SLCO1B1: variants seen among roughly 807,000 people sequenced by gnomAD.
SLCO1B1 encodes the protein solute carrier organic anion transporter family member 1B1, also known as OATP-2.
A neutral mutation model predicts 70.1 loss-of-function variants in SLCO1B1; 81 were observed. The observed-to-expected ratio is 1.16, with a 90% CI of 0.97 to 1.39. The LOEUF is 1.39. Among genes scored for constraint, SLCO1B1 ranks in the 40% most tolerant of loss-of-function variants. The pLI, the probability that SLCO1B1 is intolerant of heterozygous loss-of-function variation, is 0.00. For missense variants in SLCO1B1, 895 were observed against 799.6 expected, an observed-to-expected ratio of 1.12 and a Z score of -1.44; for synonymous variants, 283 against 271.5, an observed-to-expected ratio of 1.04 and a Z score of -0.42.
intron 2 of SLCO1B1, among the ~76,000 whole-genome samples, chr12:21,162,964 A>C (rs1045978289): frequency 6.6e-5 from 10 of 152,136 alleles, no homozygotes; most frequent in Non-Finnish European, 1.5e-4. Flanking sequence ...TATCTGGTGT[A>C]ATCTTTCTCT....
At chr12:21,209,165 G>A (rs1376584561) in intron 11 of SLCO1B1, among the ~76,000 whole-genome samples, 7 of 151,596 alleles carry the variant, frequency 4.6e-5, no homozygotes, top group African/African-American at 7.3e-5. Context: ...CCACTAACTC[G>A]TCATCTAGCA....
chr12:21,216,626 C>T (rs71446760), intron 11 of SLCO1B1, among the ~76,000 whole-genome samples: 18,683 of 152,102 alleles, frequency 0.12, 1,573 homozygotes, highest in Non-Finnish European at 0.18. Flanking sequence ...GCATCTCTAC[C>T]TGTCTCTATT....
chr12:21,175,474 C>T (rs1418824503), intron 4 of SLCO1B1, among the ~76,000 whole-genome samples: 3 of 152,022 alleles, frequency 2.0e-5, no homozygotes, highest in Non-Finnish European at 4.4e-5. Context: ...ACCAAGTTCC[C>T]GGTTAAAAAT....
chr12:21,174,492 C>T (rs1239543566), intron 3 of SLCO1B1, 85 bp from the exon 4 acceptor site: 2 of 1,332,686 alleles, frequency 1.5e-6, no homozygotes, highest in South Asian at 1.2e-5. Context: ...ATGTCTTGGA[C>T]TCTATTTGCA....
At chr12:21,133,494 C>G (rs887669267) in intron 1 of SLCO1B1, among the ~76,000 whole-genome samples, 2 of 152,046 alleles carry the variant, frequency 1.3e-5, no homozygotes, top group Admixed American at 1.3e-4. Context: ...TGTTCGTATC[C>G]TCTTTTATTT....
At chr12:21,158,478 G>A (rs560299757) in intron 2 of SLCO1B1, among the ~76,000 whole-genome samples, 3 of 152,084 alleles carry the variant, frequency 2.0e-5, no homozygotes, top group Non-Finnish European at 4.4e-5. Context: ...GGCAGATCAC[G>A]AGCTCAGGAG....
chr12:21,143,227 TA>T (rs1382415506), intron 2 of SLCO1B1, among the ~76,000 whole-genome samples: 1 of 152,036 alleles, frequency 6.6e-6, no homozygotes, highest in Non-Finnish European at 1.5e-5. Flanking sequence ...ATTTTTTAAA[TA>T]AAGGGTATTT....
chr12:21,174,817 A>G (rs1940799766), intron 4 of SLCO1B1, 108 bp downstream of exon 4: 1 of 1,054,506 alleles, frequency 9.5e-7, no homozygotes, highest in Admixed American at 2.1e-5. Context: ...TTTTGAGAAG[A>G]TACCCACTAA....
intron 7 of SLCO1B1, among the ~76,000 whole-genome samples, chr12:21,193,106 T>G (rs1206867959): frequency 6.6e-6 from 1 of 152,194 alleles, no homozygotes; most frequent in Non-Finnish European, 1.5e-5. Context: ...ACCTGTTGCA[T>G]GATGTAACAT....
chr12:21,196,873 C>T, intron 7 of SLCO1B1, 73 bp from the exon 8 acceptor site: 1 of 1,450,894 alleles, frequency 6.9e-7, no homozygotes, highest in South Asian at 1.2e-5. Context: ...TTACTTTCTT[C>T]ATACCATTAT....
intron 2 of SLCO1B1, among the ~76,000 whole-genome samples, chr12:21,159,994 A>G (rs1940593028): frequency 6.6e-6 from 1 of 151,740 alleles, no homozygotes. Context: ...AAAGAGAAAA[A>G]CATGCTTATA....
intron 14 of SLCO1B1, among the ~76,000 whole-genome samples, chr12:21,231,092 T>C (rs977509710): frequency 1.3e-4 from 20 of 151,530 alleles, no homozygotes; most frequent in African/African-American, 4.4e-4. Context: ...TTTGTCCTTG[T>C]GATAGTTTGC....
chr12:21,138,372 A>C (rs1231392554), intron 1 of SLCO1B1, among the ~76,000 whole-genome samples: 1 of 152,216 alleles, frequency 6.6e-6, no homozygotes, highest in African/African-American at 2.4e-5. Context: ...CTATCTTATA[A>C]ACAAATGGTG....
chr12:21,236,157 T>C (rs955377819), intron 14 of SLCO1B1, among the ~76,000 whole-genome samples: 2 of 152,190 alleles, frequency 1.3e-5, no homozygotes, highest in Non-Finnish European at 2.9e-5. Context: ...GATTCATTCC[T>C]GAGTGTTGGT....
chr12:21,185,920 G>A (rs1940957709), intron 7 of SLCO1B1, among the ~76,000 whole-genome samples: 2 of 151,818 alleles, frequency 1.3e-5, no homozygotes, highest in Non-Finnish European at 2.9e-5. Context: ...CATTACAAAT[G>A]CCCCTCTGCA....
chr12:21,233,836 C>A (rs1941569546), intron 14 of SLCO1B1, among the ~76,000 whole-genome samples: 1 of 152,170 alleles, frequency 6.6e-6, no homozygotes, highest in African/African-American at 2.4e-5. Context: ...AACTAGGCAG[C>A]CACTTGGGCT....
At chr12:21,222,736 C>T (rs1769352737) in intron 13 of SLCO1B1, among the ~76,000 whole-genome samples, 1 of 151,788 alleles carries the variant, frequency 6.6e-6, no homozygotes, top group South Asian at 2.1e-4. Flanking sequence ...ATATTTCCTC[C>T]CAGTAGGCAG....
chr12:21,143,087 TGATA>T lies in SLCO1B1; in HGVS notation c.84+1430_84+1433del, dbSNP rs146613077. ...TAAATTGTTAACATTGATATGTTGT[TGATA>T]AAGAATATTAAACTCAACAATCATT... On this transcript the variant is annotated intron_variant, in intron 2 of 14. Transcript: ENST00000256958. 7.4e-3 allele frequency among the ~76,000 whole-genome samples: 1,131 copies of T among 152,242 alleles called. 22 individuals carry two copies. Among genetic ancestry groups the T allele is most frequent in the African/African-American group, 0.026 (1,076 of 41,578 alleles).
intron 1 of SLCO1B1, among the ~76,000 whole-genome samples, chr12:21,134,845 C>T (rs538348804): frequency 5.9e-5 from 9 of 152,240 alleles, no homozygotes; most frequent in African/African-American, 2.2e-4. Flanking sequence ...CAGTTCTGCT[C>T]TGATGGTAGT....
Sources: allele counts gnomAD v4.1 joint callset (sites outside exome capture counted in the v4.1 genomes callset), GRCh38; gene constraint gnomAD v4.1.1; transcripts MANE v1.5; gene names NCBI Gene and HGNC (gene_info 2026-07-23, HGNC 2026-07-21).